The following THRB variants were observed in gnomAD, a reference collection of about 807,000 sequenced individuals.
The protein encoded by THRB is thyroid hormone receptor beta, also known as nuclear receptor subfamily 1 group A member 2.
THRB carries 12 observed loss-of-function variants against 47.8 expected under a neutral mutation model. That is an observed-to-expected ratio of 0.25 (90% CI 0.16 to 0.41). The LOEUF is 0.41. Ranked by LOEUF, THRB falls within the 10% of genes least tolerant of loss-of-function variation. The probability of loss-of-function intolerance (pLI) is 1.00; values close to 1 mark genes in which losing one functional copy is unlikely to be tolerated. For missense variants in THRB, 348 were observed against 589.2 expected, an observed-to-expected ratio of 0.59 and a Z score of 4.24; for synonymous variants, 218 against 212.2, an observed-to-expected ratio of 1.03 and a Z score of -0.24.
At chr3:24,357,494 C>G (rs183503470) in intron 1 of THRB, among the ~76,000 whole-genome samples, 1 of 151,458 alleles carries the variant, frequency 6.6e-6, no homozygotes, top group African/African-American at 2.4e-5. Context: ...AATGAGTCTC[C>G]ATAGAGTTTG....
chr3:24,146,364 CAG>C lies in THRB; in HGVS notation c.532+309_532+310del, dbSNP rs1334025254. On this transcript the variant is annotated intron_variant, in intron 7 of 10. Transcript: ENST00000646209. ...TCTCATTTGTAATCTCTGTCTCAAACAGAGTGTTGCTAACAACTAGGCCTGCA... is the reference window on the plus strand; with the variant it reads ...TCTCATTTGTAATCTCTGTCTCAAACAGTGTTGCTAACAACTAGGCCTGCA... Among the ~76,000 whole-genome samples the C allele has an allele frequency of 3.3e-5, 5 of 152,316 alleles. No individual in the cohort carries two copies. In the South Asian group the frequency reaches 1.0e-3, roughly 32 times the overall value.
intron 5 of THRB, among the ~76,000 whole-genome samples, chr3:24,159,725 T>C (rs1446266771): frequency 1.6e-5 from 2 of 123,890 alleles, no homozygotes; most frequent in African/African-American, 7.0e-5. Flanking sequence ...TTGCCACAAC[T>C]GCTGTGTGTG....
chr3:24,413,776 C>T (rs1413660222), intron 1 of THRB, among the ~76,000 whole-genome samples: 16 of 151,704 alleles, frequency 1.1e-4, no homozygotes, highest in Admixed American at 1.1e-3. Flanking sequence ...TCCAAGTGTT[C>T]TCGTTGTTCA....
intron 3 of THRB, among the ~76,000 whole-genome samples, chr3:24,273,741 C>CTGGGGTAGAGTTCTACCCAT (rs2053590623): frequency 6.6e-6 from 1 of 152,182 alleles, no homozygotes; most frequent in Non-Finnish European, 1.5e-5. Context: ...CCAGATGTCA[C>CTGGGGTAGAGTTCTACCCAT]TGGGGTAGAG....
chr3:24,197,134 T>TA (rs1415624516), intron 4 of THRB, among the ~76,000 whole-genome samples: 3 of 152,252 alleles, frequency 2.0e-5, no homozygotes, highest in African/African-American at 7.2e-5. Flanking sequence ...CCTAGGCACA[T>TA]AATCCAGTAA....
At chr3:24,141,826 G>A (rs1291798267) in intron 8 of THRB, among the ~76,000 whole-genome samples, 1 of 152,220 alleles carries the variant, frequency 6.6e-6, no homozygotes, top group Non-Finnish European at 1.5e-5. Flanking sequence ...TGCCAGGCCT[G>A]GAAGTGGTTT....
intron 1 of THRB, among the ~76,000 whole-genome samples, chr3:24,404,099 G>C (rs1244248077): frequency 6.6e-6 from 1 of 151,912 alleles, no homozygotes; most frequent in Non-Finnish European, 1.5e-5. Context: ...ACTTTACTCA[G>C]ATCTGTGGAG....
chr3:24,351,880 T>C (rs73043728), intron 1 of THRB, among the ~76,000 whole-genome samples: 2,031 of 152,276 alleles, frequency 0.013, 22 homozygotes, highest in South Asian at 0.034. Context: ...GGGAACCCTA[T>C]ATACTCTTGC....
At chr3:24,418,090 C>T (rs939421243) in intron 1 of THRB, among the ~76,000 whole-genome samples, 10 of 151,758 alleles carry the variant, frequency 6.6e-5, no homozygotes, top group Non-Finnish European at 1.5e-5. Flanking sequence ...CCCATATCAA[C>T]TTAGTGTTGT....
At chr3:24,376,214 A>G (rs550568946) in intron 1 of THRB, among the ~76,000 whole-genome samples, 1 of 152,340 alleles carries the variant, frequency 6.6e-6, no homozygotes, top group Non-Finnish European at 1.5e-5. Context: ...TTGAAGCCAC[A>G]ATTTTAGGCA....
intron 1 of THRB, among the ~76,000 whole-genome samples, chr3:24,451,523 C>T (rs1160551393): frequency 1.3e-5 from 2 of 152,192 alleles, no homozygotes; most frequent in Admixed American, 1.3e-4. Flanking sequence ...GCGTGAGCCA[C>T]CACGCCCGGC....
chr3:24,192,585 C>T (rs964038314), intron 4 of THRB, among the ~76,000 whole-genome samples: 4 of 152,032 alleles, frequency 2.6e-5, no homozygotes, highest in African/African-American at 9.7e-5. Context: ...TCATTACTCC[C>T]TAGGGAAACA....
At chr3:24,423,819 G>A (rs1008274295) in intron 1 of THRB, among the ~76,000 whole-genome samples, 1 of 151,772 alleles carries the variant, frequency 6.6e-6, no homozygotes, top group Non-Finnish European at 1.5e-5. Context: ...AGGTATATAT[G>A]ATCTACTGAA....
intron 2 of THRB, among the ~76,000 whole-genome samples, chr3:24,304,217 C>T (rs1361437103): frequency 6.6e-6 from 1 of 152,090 alleles, no homozygotes; most frequent in African/African-American, 2.4e-5. Context: ...GTACACAGAA[C>T]TCACATCATA....
intron 2 of THRB, among the ~76,000 whole-genome samples, chr3:24,314,972 G>A (rs957003066): frequency 6.6e-5 from 10 of 152,004 alleles, no homozygotes; most frequent in African/African-American, 2.2e-4. Context: ...AATCTATATC[G>A]ATGTATTACC....
At chr3:24,167,754 G>A (rs1575550293) in intron 5 of THRB, among the ~76,000 whole-genome samples, 1 of 152,078 alleles carries the variant, frequency 6.6e-6, no homozygotes, top group South Asian at 2.1e-4. Flanking sequence ...AGAAATCCAA[G>A]CAATTTCTTG....
chr3:24,181,079 G>GA (rs1411303163), intron 5 of THRB, among the ~76,000 whole-genome samples: 1 of 152,182 alleles, frequency 6.6e-6, no homozygotes, highest in Non-Finnish European at 1.5e-5. Context: ...ATTTTCCTGG[G>GA]AAAAAGATAT....
intron 5 of THRB, among the ~76,000 whole-genome samples, chr3:24,153,759 C>T (rs570265895): frequency 1.3e-5 from 2 of 152,154 alleles, no homozygotes; most frequent in South Asian, 4.2e-4. Flanking sequence ...TCACATAAGA[C>T]CAAACAATCA....
Position 24,193,791 on chromosome 3 carries a change from A to G in THRB, c.23-3457T>C, listed in dbSNP as rs370697463. Among the ~76,000 whole-genome samples the G allele has an allele frequency of 3.3e-5, 5 of 152,126 alleles. No homozygotes were observed. In the South Asian group the frequency reaches 8.3e-4, roughly 25 times the overall value. On this transcript the variant is annotated intron_variant, in intron 4 of 10. Transcript: ENST00000646209. ...CTAGGTATCTACCCAGAGGAAAAGA[A>G]GTCATTATATGAAAAAGACATTTGC...
Sources: allele counts gnomAD v4.1 joint callset (sites outside exome capture counted in the v4.1 genomes callset), GRCh38; gene constraint gnomAD v4.1.1; transcripts MANE v1.5; gene names NCBI Gene and HGNC (gene_info 2026-07-23, HGNC 2026-07-21).